Variants in NRXN1 observed in about 807,000 individuals in gnomAD.
NRXN1 encodes the protein neurexin-1.
NRXN1 carries 39 observed loss-of-function variants against 150.9 expected under a neutral mutation model. The observed-to-expected ratio is 0.26, with a 90% CI of 0.20 to 0.34. NRXN1 has a LOEUF of 0.34. Ranked by LOEUF, NRXN1 falls within the 10% of genes least tolerant of loss-of-function variation. The pLI, the probability that NRXN1 is intolerant of heterozygous loss-of-function variation, is 1.00. For synonymous variants in NRXN1, 924 were observed against 757.0 expected, an observed-to-expected ratio of 1.22 and a Z score of -3.62; for missense variants, 1,815 against 1,949.9, an observed-to-expected ratio of 0.93 and a Z score of 1.30.
chr2:50,219,225 T>G (rs1443614121), intron 18 of NRXN1, among the ~76,000 whole-genome samples: 3 of 152,048 alleles, frequency 2.0e-5, no homozygotes, highest in Non-Finnish European at 4.4e-5. Flanking sequence ...TCTATGAAGA[T>G]GATAATTTGT....
At chr2:50,900,401 A>G (rs1259383585) in intron 5 of NRXN1, among the ~76,000 whole-genome samples, 1 of 152,198 alleles carries the variant, frequency 6.6e-6, no homozygotes, top group Non-Finnish European at 1.5e-5. Flanking sequence ...ACTTGGGATC[A>G]GCCTCTAGTT....
intron 5 of NRXN1, among the ~76,000 whole-genome samples, chr2:50,670,263 C>T (rs546886703): frequency 1.3e-5 from 2 of 151,640 alleles, no homozygotes; most frequent in African/African-American, 4.8e-5. Context: ...AAGCTGTTCA[C>T]ATTTATATAT....
chr2:50,853,578 TA>T (rs1269535658), intron 5 of NRXN1, among the ~76,000 whole-genome samples: 1 of 152,122 alleles, frequency 6.6e-6, no homozygotes, highest in African/African-American at 2.4e-5. Flanking sequence ...TAGGACCATA[TA>T]AAAATAAAGC....
intron 19 of NRXN1, among the ~76,000 whole-genome samples, chr2:50,088,360 A>T (rs1445238421): frequency 6.6e-6 from 1 of 152,158 alleles, no homozygotes; most frequent in East Asian, 1.9e-4. Flanking sequence ...AAAACATCTG[A>T]TGACAATGGT....
At chr2:50,534,025 C>G (rs199710047) in intron 10 of NRXN1, among the ~76,000 whole-genome samples, 1 of 151,950 alleles carries the variant, frequency 6.6e-6, no homozygotes, top group Admixed American at 6.6e-5. Flanking sequence ...ATGCATTGCT[C>G]TATCAGCAGC....
intron 17 of NRXN1, among the ~76,000 whole-genome samples, chr2:50,325,795 A>G (rs1280003352): frequency 1.3e-5 from 2 of 152,242 alleles, no homozygotes; most frequent in Non-Finnish European, 2.9e-5. Context: ...TTGCTTCAGT[A>G]ATATTTTATA....
intron 12 of NRXN1, among the ~76,000 whole-genome samples, chr2:50,514,022 G>A (rs1329323305): frequency 6.6e-6 from 1 of 152,108 alleles, no homozygotes; most frequent in Non-Finnish European, 1.5e-5. Flanking sequence ...CTGGTACAGT[G>A]CAAACCAATT....
Position 50,492,633 on chromosome 2 carries a change from T to C in NRXN1, c.3070+3272A>G, listed in dbSNP as rs958645408. ...TGAGGTTTCCCCAACTCCCGGGTCCTATGCAGCATGTTTTGTGGCCTTCTG... is the reference window on the plus strand; with the variant it reads ...TGAGGTTTCCCCAACTCCCGGGTCCCATGCAGCATGTTTTGTGGCCTTCTG... On this transcript the variant is annotated intron_variant, in intron 15 of 22. Transcript: ENST00000401669. Among the ~76,000 whole-genome samples the C allele has an allele frequency of 5.4e-4, 82 of 152,328 alleles. 1 individual carries two copies. Among genetic ancestry groups the C allele is most frequent in the African/African-American group, 1.9e-3 (80 of 41,574 alleles).
At chr2:50,251,873 GT>G (rs953561500) in intron 17 of NRXN1, among the ~76,000 whole-genome samples, 1 of 151,976 alleles carries the variant, frequency 6.6e-6, no homozygotes, top group South Asian at 2.1e-4. Context: ...AGTTTTTAAT[GT>G]TTTTTTGTTT....
chr2:50,744,643 G>C (rs752718599), intron 5 of NRXN1, among the ~76,000 whole-genome samples: 4 of 152,040 alleles, frequency 2.6e-5, no homozygotes, highest in African/African-American at 4.8e-5. Context: ...TGAGGTCCAG[G>C]CTACTTAAGT....
chr2:50,237,194 G>A (rs1052980872), intron 17 of NRXN1, among the ~76,000 whole-genome samples: 15 of 152,040 alleles, frequency 9.9e-5, no homozygotes, highest in African/African-American at 3.4e-4. Flanking sequence ...TTTACCAGTA[G>A]GTGTTTCAGA....
intron 18 of NRXN1, among the ~76,000 whole-genome samples, chr2:50,118,999 A>G (rs1333182498): frequency 5.4e-5 from 8 of 149,300 alleles, no homozygotes; most frequent in African/African-American, 2.0e-4. Flanking sequence ...TTCGGTTGGT[A>G]TTACAGAATT....
At chr2:50,982,135 A>C (rs1193127445) in intron 2 of NRXN1, among the ~76,000 whole-genome samples, 1 of 152,128 alleles carries the variant, frequency 6.6e-6, no homozygotes, top group Non-Finnish European at 1.5e-5. Context: ...AGCTATGGAG[A>C]AAAAGCTTAC....
rs568170386 is a variant in NRXN1, at chr2:50,155,490, G to A, written c.3547-63996C>T. 2.0e-5 allele frequency among the ~76,000 whole-genome samples: 3 copies of A among 151,300 alleles called. No homozygotes were observed. The South Asian group carries it at 6.2e-4, about 31-fold the overall frequency. On this transcript the variant is annotated intron_variant, in intron 18 of 22. Coordinates refer to ENST00000401669, the MANE Select transcript of NRXN1 (RefSeq NM_001330078.2). ...TAATTTAATTACAATGCTGACAAAT[G>A]TATACATGAAGTTCAAAGGTTATTC...
At position 50,395,254 on chromosome 2, in the gene NRXN1, T is replaced by C. The variant is rs530325665; in HGVS notation, c.3364+70188A>G. ...ATGGTTGCCAAATAAATGAATAAAT[T>C]AAAGACTACGAGATTGAAATACCAG... On this transcript the variant is annotated intron_variant, in intron 17 of 22. Transcript: ENST00000401669. Among the ~76,000 whole-genome samples, 3 of 151,924 alleles carry C rather than the reference T, an allele frequency of 2.0e-5. No homozygotes were observed. In the South Asian group the frequency reaches 6.2e-4, roughly 32 times the overall value.
At chr2:50,863,109 T>C (rs1269997233) in intron 5 of NRXN1, among the ~76,000 whole-genome samples, 4 of 151,956 alleles carry the variant, frequency 2.6e-5, no homozygotes, top group African/African-American at 9.7e-5. Context: ...TGTCACTGAC[T>C]ATCATATTTG....
intron 17 of NRXN1, among the ~76,000 whole-genome samples, chr2:50,396,139 G>C (rs1019081213): frequency 3.3e-5 from 5 of 152,132 alleles, no homozygotes; most frequent in Non-Finnish European, 7.4e-5. Context: ...CAACACCTGA[G>C]AGCAATGCAA....
intron 19 of NRXN1, among the ~76,000 whole-genome samples, chr2:50,057,043 T>C (rs986037545): frequency 6.6e-6 from 1 of 152,180 alleles, no homozygotes; most frequent in African/African-American, 2.4e-5. Flanking sequence ...GACAGACCTC[T>C]CTACATCTTC....
At position 49,919,987 on chromosome 2, in the gene NRXN1, T is replaced by G. The variant is rs376577156; in HGVS notation, c.*1957A>C. 4 of 152,286 alleles carry G rather than the reference T, an allele frequency of 2.6e-5. No individual in the cohort carries two copies. In the South Asian group the frequency reaches 6.2e-4, roughly 24 times the overall value. The allele number at this position is 152,286 out of a possible 1,614,324, so 9.4% of individuals were successfully genotyped here. A position where few individuals can be genotyped will look rare whatever the true frequency, so the allele number is the denominator to read the frequency against. On this transcript the variant is annotated 3_prime_UTR_variant, in exon 23 of 23. Coordinates refer to ENST00000401669, the MANE Select transcript of NRXN1 (RefSeq NM_001330078.2). ...AGATATTCTTCTCTTCTACAAAATTTTTTATCGTTCTTTTAGAAGGTATTC... is the reference window on the plus strand; with the variant it reads ...AGATATTCTTCTCTTCTACAAAATTGTTTATCGTTCTTTTAGAAGGTATTC...
Sources: allele counts gnomAD v4.1 joint callset (sites outside exome capture counted in the v4.1 genomes callset), GRCh38; gene constraint gnomAD v4.1.1; transcripts MANE v1.5; gene names NCBI Gene and HGNC (gene_info 2026-07-23, HGNC 2026-07-21).